The following MDFIC variants were observed in gnomAD, a reference collection of about 807,000 sequenced individuals.
The protein encoded by MDFIC is myoD family inhibitor domain-containing protein.
Under a neutral mutation model 23.2 loss-of-function variants are expected in MDFIC, and 17 were observed. The ratio of observed to expected loss-of-function variants is 0.73; its 90% CI spans 0.50 to 1.10. The LOEUF (loss-of-function observed/expected upper bound fraction) is 1.10, where lower values mean the gene tolerates loss of function less well. Among genes scored for constraint, MDFIC ranks in the 50% least tolerant of loss-of-function variants. MDFIC has a pLI of 0.00. For missense variants in MDFIC, 356 were observed against 316.6 expected, an observed-to-expected ratio of 1.12 and a Z score of -0.95; for synonymous variants, 120 against 115.2, an observed-to-expected ratio of 1.04 and a Z score of -0.27.
intron 2 of MDFIC, among the ~76,000 whole-genome samples, chr7:114,924,773 G>A (rs1343681920): frequency 1.3e-5 from 2 of 152,314 alleles, no homozygotes; most frequent in East Asian, 3.9e-4. Context: ...TAAAAAGAGA[G>A]TCTGCAGAAT....
chr7:114,994,948 A>G (rs1391245601), intron 4 of MDFIC, among the ~76,000 whole-genome samples: 1 of 152,212 alleles, frequency 6.6e-6, no homozygotes, highest in Non-Finnish European at 1.5e-5. Context: ...AGTGTTTTCC[A>G]GCTTGGTTCC....
chr7:114,938,430 A>G (rs1216829099), intron 2 of MDFIC, among the ~76,000 whole-genome samples: 1 of 152,190 alleles, frequency 6.6e-6, no homozygotes, highest in Non-Finnish European at 1.5e-5. Context: ...TTAAATATAA[A>G]TAGTTGTGTA....
At chr7:114,925,192 AAT>A (rs962290988) in intron 2 of MDFIC, among the ~76,000 whole-genome samples, 4 of 151,790 alleles carry the variant, frequency 2.6e-5, no homozygotes, top group South Asian at 2.1e-4. Context: ...TGCAAAGTTA[AAT>A]ATATATATAT....
chr7:115,011,923 A>G (rs1161528245), intron 4 of MDFIC, among the ~76,000 whole-genome samples: 1 of 152,204 alleles, frequency 6.6e-6, no homozygotes, highest in Non-Finnish European at 1.5e-5. Context: ...TGAATCAGAC[A>G]CTAAAACTTT....
chr7:114,989,415 C>A (rs1793566859), intron 4 of MDFIC, among the ~76,000 whole-genome samples: 1 of 151,924 alleles, frequency 6.6e-6, no homozygotes, highest in Non-Finnish European at 1.5e-5. Context: ...AGTGCAAGTC[C>A]AGAAGGGTTG....
At chr7:114,969,573 G>A (rs184975747) in intron 3 of MDFIC, among the ~76,000 whole-genome samples, 80 of 152,244 alleles carry the variant, frequency 5.3e-4, no homozygotes, top group Non-Finnish European at 8.5e-4. Flanking sequence ...CTTTATTTTT[G>A]TGAAGGGTTC....
chr7:115,012,640 G>A (rs1226803580), intron 4 of MDFIC, among the ~76,000 whole-genome samples: 1 of 152,122 alleles, frequency 6.6e-6, no homozygotes, highest in Non-Finnish European at 1.5e-5. Flanking sequence ...GAACAGCGAT[G>A]TTAGGAGCAC....
At chr7:114,999,768 T>C (rs1167036048) in intron 4 of MDFIC, among the ~76,000 whole-genome samples, 1 of 38,434 alleles carries the variant, frequency 2.6e-5, no homozygotes, top group Non-Finnish European at 7.1e-5. Flanking sequence ...TCCTTAGCAT[T>C]GGGGGAGGGT....
At chr7:114,980,132 T>C (rs1323621732) in intron 4 of MDFIC, 1 of 313,210 alleles carries the variant, frequency 3.2e-6, no homozygotes, top group East Asian at 8.0e-5. Context: ...TGCAATATGT[T>C]ATTCTATAGT....
At chr7:114,983,317 ATT>A (rs546842782) in intron 4 of MDFIC, among the ~76,000 whole-genome samples, 3 of 151,846 alleles carry the variant, frequency 2.0e-5, no homozygotes, top group African/African-American at 7.3e-5. Context: ...CTGGAATAAC[ATT>A]TTTTTTGGTT....
chr7:114,975,869 T>TA (rs972445265), intron 3 of MDFIC, among the ~76,000 whole-genome samples: 3 of 152,054 alleles, frequency 2.0e-5, no homozygotes, highest in African/African-American at 7.2e-5. Context: ...ATTTTAATGT[T>TA]AAAAAAACTA....
At chr7:114,977,947 A>G (rs1373468099) in intron 3 of MDFIC, among the ~76,000 whole-genome samples, 1 of 148,000 alleles carries the variant, frequency 6.8e-6, no homozygotes. Flanking sequence ...ATTATATAAT[A>G]ATTACATAAT....
chr7:114,965,808 G>A (rs1046916237), intron 3 of MDFIC, among the ~76,000 whole-genome samples: 1 of 152,082 alleles, frequency 6.6e-6, no homozygotes, highest in Non-Finnish European at 1.5e-5. Flanking sequence ...TCATTTGGTT[G>A]TATCTTTCCC....
In MDFIC at chr7:114,942,309, A is replaced by G. The variant is rs768625558; in HGVS notation, c.129A>G (p.Ile43Met). Reference protein sequence around the residue: ...KCDKDNTEKDITQATNSHFTH... With the variant: ...KCDKDNTEKDMTQATNSHFTH... Reference sequence around the variant, plus strand: ...ATAAAGACAATACTGAGAAAGATATAACTCAAGCTACCAATAGCCACTTCA... The same window carrying G: ...ATAAAGACAATACTGAGAAAGATATGACTCAAGCTACCAATAGCCACTTCA... The change falls in exon 3 of 5, where the codon ATA becomes ATG. Residue 43 changes from isoleucine to methionine, a missense_variant. Ile to Met is a conservative substitution (Grantham distance 10, BLOSUM62 1). Coordinates refer to ENST00000393486, the MANE Select transcript of MDFIC (RefSeq NM_001166345.3). 9.1e-5 allele frequency: 143 copies of G among 1,576,736 alleles called. No homozygotes were observed. Among genetic ancestry groups the G allele is most frequent in the Non-Finnish European group, 1.2e-4 (136 of 1,149,622 alleles).
intron 4 of MDFIC, among the ~76,000 whole-genome samples, chr7:114,991,753 C>G (rs1191783474): frequency 6.6e-6 from 1 of 152,142 alleles, no homozygotes; most frequent in Non-Finnish European, 1.5e-5. Flanking sequence ...GTTACTGTAG[C>G]CTTGTAGTAT....
At chr7:114,932,079 T>C (rs1467538696) in intron 2 of MDFIC, among the ~76,000 whole-genome samples, 1 of 152,158 alleles carries the variant, frequency 6.6e-6, no homozygotes, top group Non-Finnish European at 1.5e-5. Context: ...ATCTGAGGGG[T>C]TGTACTATTT....
intron 4 of MDFIC, among the ~76,000 whole-genome samples, chr7:114,998,812 A>G (rs1458229185): frequency 6.6e-6 from 1 of 152,166 alleles, no homozygotes; most frequent in Non-Finnish European, 1.5e-5. Flanking sequence ...GTATGTTAAT[A>G]TTGGGGGAAA....
chr7:114,961,620 A>G (rs1792993526), intron 3 of MDFIC, among the ~76,000 whole-genome samples: 1 of 152,180 alleles, frequency 6.6e-6, no homozygotes, highest in African/African-American at 2.4e-5. Flanking sequence ...TACAGAAAGC[A>G]CTGCTGGGGA....
rs550459585 is a variant in MDFIC at position 115,009,463 on chromosome 7, T to A, written c.494-6225T>A. 3.3e-5 allele frequency among the ~76,000 whole-genome samples: 5 copies of A among 152,352 alleles called. No individual in the cohort carries two copies. In the South Asian group the frequency reaches 1.0e-3, roughly 32 times the overall value. ...TCAATCAGGGTTCCTTTCACTTTAA[T>A]AAACTGCATTCCTCATATTCCCTAG... On this transcript the variant is annotated intron_variant, in intron 4 of 4. Coordinates refer to ENST00000393486, the MANE Select transcript of MDFIC (RefSeq NM_001166345.3).
Sources: gnomAD v4.1 joint callset for allele counts (sites outside exome capture counted in the v4.1 genomes callset) on GRCh38, gnomAD v4.1.1 for gene constraint, MANE v1.5 for transcripts, NCBI Gene and HGNC (gene_info 2026-07-23, HGNC 2026-07-21) for gene names.